The following EYS variants were observed in gnomAD, a reference collection of about 807,000 sequenced individuals.
EYS encodes the protein protein eyes shut homolog.
EYS carries 250 observed loss-of-function variants against 282.1 expected under a neutral mutation model. That is an observed-to-expected ratio of 0.89 (90% CI 0.80 to 0.98). EYS has a LOEUF of 0.98. Among genes scored for constraint, EYS ranks in the 50% least tolerant of loss-of-function variants. EYS has a pLI of 0.00. For missense variants in EYS, 4,016 were observed against 3,709.0 expected (o/e 1.08, Z -2.15); for synonymous variants, 1,355 against 1,282.9 (o/e 1.06, Z -1.20).
At chr6:65,614,480 A>AT (rs35160142) in intron 2 of EYS, among the ~76,000 whole-genome samples, 37,902 of 151,884 alleles carry the variant, frequency 0.25, 6,815 homozygotes, top group African/African-American at 0.51. Flanking sequence ...GCATTAAAAA[A>AT]TTATATATAT....
At chr6:64,079,031 T>C (rs1305536666) in intron 32 of EYS, among the ~76,000 whole-genome samples, 2 of 152,138 alleles carry the variant, frequency 1.3e-5, no homozygotes, top group African/African-American at 4.8e-5. Context: ...CAATTCTATA[T>C]AACTTAAAAA....
At position 63,788,754 on chromosome 6, in the gene EYS, C is replaced by T. The variant is rs558469794; in HGVS notation, c.7578+304G>A. ...AAAACCATGCTGAACTACTTGCATT[C>T]CTTAAGCTAATACTGGCCATTGTTC... On this transcript the variant is annotated intron_variant, in intron 38 of 42. Coordinates refer to ENST00000503581, the MANE Select transcript of EYS (RefSeq NM_001142800.2). Among the ~76,000 whole-genome samples the T allele has an allele frequency of 5.9e-5, 9 of 152,300 alleles. No individual in the cohort carries two copies. In the South Asian group the frequency reaches 1.9e-3, roughly 32 times the overall value.
intron 19 of EYS, among the ~76,000 whole-genome samples, chr6:64,881,166 C>A (rs1161676260): frequency 6.6e-6 from 1 of 151,698 alleles, no homozygotes; most frequent in Non-Finnish European, 1.5e-5. Context: ...AAAAACTACC[C>A]CCTAACAATT....
At chr6:64,311,320 T>C (rs1331023947) in intron 29 of EYS, among the ~76,000 whole-genome samples, 2 of 152,102 alleles carry the variant, frequency 1.3e-5, no homozygotes, top group East Asian at 3.9e-4. Flanking sequence ...GTAAAATATA[T>C]ATAATAGATT....
At chr6:65,117,337 C>T (rs989005573) in intron 12 of EYS, among the ~76,000 whole-genome samples, 2 of 152,120 alleles carry the variant, frequency 1.3e-5, no homozygotes, top group African/African-American at 4.8e-5. Flanking sequence ...ATAATTAAAA[C>T]AGGTATAGGA....
chr6:65,158,996 A>AT (rs1182096725), intron 12 of EYS, among the ~76,000 whole-genome samples: 4 of 150,598 alleles, frequency 2.7e-5, no homozygotes, highest in South Asian at 2.1e-4. Context: ...AAATATTGCT[A>AT]TTTTTTTGTT....
In EYS at chr6:64,066,348, TA is replaced by T. The variant is rs752953889; in HGVS notation, c.6714del (p.Ile2239SerfsTer17). 81 of 1,551,060 alleles carry T rather than the reference TA, an allele frequency of 5.2e-5. No homozygotes were observed. The highest frequency in any genetic ancestry group is 6.4e-5 in the Non-Finnish European group (73 of 1,146,776). ...NYSINTNAFT[P>X]ITIRYTTPVG... ...GAGTACAGTACTTACCGTATTGTGA[TA>T]GGGGTGAATGCATTTGTGTTAATGC... is the stretch of plus-strand genomic sequence containing the variant. On this transcript the variant is annotated frameshift_variant, in exon 33 of 43. Transcript: ENST00000503581. LOFTEE classifies it high-confidence loss of function.
intron 28 of EYS, among the ~76,000 whole-genome samples, chr6:64,394,935 G>GA (rs1432982726): frequency 1.2e-4 from 18 of 152,054 alleles, no homozygotes; most frequent in South Asian, 6.2e-4. Flanking sequence ...AAATTTACAA[G>GA]AAAAAAACAA....
At chr6:65,120,099 CCGAGAT>C (rs11278185) in intron 12 of EYS, among the ~76,000 whole-genome samples, 31,230 of 145,490 alleles carry the variant, frequency 0.21, 3,895 homozygotes, top group African/African-American at 0.33. Context: ...TTGCAGTGAG[CCGAGAT>C]CGCGCCGCTG....
At chr6:63,808,181 T>A (rs1242618270) in intron 36 of EYS, among the ~76,000 whole-genome samples, 1 of 152,160 alleles carries the variant, frequency 6.6e-6, no homozygotes, top group Non-Finnish European at 1.5e-5. Flanking sequence ...TCAGCTGAAC[T>A]GGACTGAAAG....
At chr6:64,768,838 C>A (rs1457743902) in intron 22 of EYS, among the ~76,000 whole-genome samples, 1 of 152,072 alleles carries the variant, frequency 6.6e-6, no homozygotes, top group Non-Finnish European at 1.5e-5. Context: ...TATCTTCTAC[C>A]CTTCCGTTAT....
chr6:65,560,238 T>C (rs1768988990), intron 2 of EYS, among the ~76,000 whole-genome samples: 1 of 145,216 alleles, frequency 6.9e-6, no homozygotes, highest in South Asian at 2.1e-4. Context: ...TAATATATTA[T>C]AATTATATAC....
Position 64,140,790 on chromosome 6 carries a change from G to A in EYS, c.6425-58788C>T, listed in dbSNP as rs190300903. Reference sequence around the variant, plus strand: ...AAAAAGCTCCTCTACTGTTAGGCTCGGCATTCCCCACTCTCCTTTATGGTT... The same window carrying A: ...AAAAAGCTCCTCTACTGTTAGGCTCAGCATTCCCCACTCTCCTTTATGGTT... On this transcript the variant is annotated intron_variant, in intron 31 of 42. Transcript: ENST00000503581. 3.0e-4 allele frequency among the ~76,000 whole-genome samples: 45 copies of A among 152,136 alleles called. No homozygotes were observed. The South Asian group carries it at 4.4e-3, about 15-fold the overall frequency.
At position 64,025,674 on chromosome 6, in the gene EYS, C is replaced by T. The variant is rs553458671; in HGVS notation, c.6726-26491G>A. ...GGGGACTACCTGGAATTTAGGATCC[C>T]TCCTCAGACTAACAGGCCCAACAAA... On this transcript the variant is annotated intron_variant, in intron 33 of 42. Transcript: ENST00000503581. Among the ~76,000 whole-genome samples the T allele has an allele frequency of 4.0e-4, 61 of 152,254 alleles. 1 individual carries two copies. In the South Asian group the frequency reaches 9.3e-3, roughly 23 times the overall value.
chr6:65,565,317 C>A (rs1363612248), intron 2 of EYS, among the ~76,000 whole-genome samples: 3 of 135,676 alleles, frequency 2.2e-5, no homozygotes, highest in Non-Finnish European at 4.9e-5. Flanking sequence ...CAAAAGAAGA[C>A]ATTTATGTGG....
At chr6:65,379,990 A>T (rs1765547506) in intron 8 of EYS, among the ~76,000 whole-genome samples, 1 of 152,160 alleles carries the variant, frequency 6.6e-6, no homozygotes, top group South Asian at 2.1e-4. Flanking sequence ...ATGGAAAAAA[A>T]CATTCCATGC....
intron 5 of EYS, among the ~76,000 whole-genome samples, chr6:65,406,910 CT>C (rs938406367): frequency 2.6e-5 from 4 of 152,082 alleles, no homozygotes; most frequent in African/African-American, 9.6e-5. Context: ...ACCTTTCCAT[CT>C]TTTTTTCCAA....
intron 15 of EYS, among the ~76,000 whole-genome samples, chr6:64,932,707 A>G (rs965098502): frequency 1.3e-5 from 2 of 152,038 alleles, no homozygotes; most frequent in Non-Finnish European, 2.9e-5. Flanking sequence ...CTGGCTGAGC[A>G]TTGAAGACAT....
At chr6:64,433,872 A>C (rs1774651146) in intron 28 of EYS, among the ~76,000 whole-genome samples, 1 of 152,010 alleles carries the variant, frequency 6.6e-6, no homozygotes, top group Non-Finnish European at 1.5e-5. Context: ...TCTGGGTTCT[A>C]ATCTTGCTCC....
Sources: gnomAD v4.1 joint callset for allele counts (sites outside exome capture counted in the v4.1 genomes callset) on GRCh38, gnomAD v4.1.1 for gene constraint, MANE v1.5 for transcripts, NCBI Gene and HGNC (gene_info 2026-07-23, HGNC 2026-07-21) for gene names.